The following KIAA1549L variants were observed in gnomAD, a reference collection of about 807,000 sequenced individuals.
The protein encoded by KIAA1549L is UPF0606 protein KIAA1549L.
A neutral mutation model predicts 160.7 loss-of-function variants in KIAA1549L; 88 were observed. That is an observed-to-expected ratio of 0.55 (90% CI 0.46 to 0.65). KIAA1549L has a LOEUF of 0.65. KIAA1549L is among the 30% of genes least tolerant of loss of function. The probability of loss-of-function intolerance (pLI) is 0.00; values close to 1 mark genes in which losing one functional copy is unlikely to be tolerated. For missense variants in KIAA1549L, 2,258 were observed against 2,437.5 expected (o/e 0.93, Z 1.55); for synonymous variants, 950 against 976.7 (o/e 0.97, Z 0.51).
chr11:33,588,059 C>T (rs543285194), intron 11 of KIAA1549L, among the ~76,000 whole-genome samples: 1 of 152,330 alleles, frequency 6.6e-6, no homozygotes, highest in African/African-American at 2.4e-5. Flanking sequence ...GCGTAAGCTG[C>T]TTAACCTCTC....
chr11:33,522,504 C>T (rs1220376419), intron 1 of KIAA1549L, among the ~76,000 whole-genome samples: 3 of 152,144 alleles, frequency 2.0e-5, no homozygotes, highest in Admixed American at 1.3e-4. Context: ...CAGTCTTTTT[C>T]AGTAGACCAC....
At chr11:33,511,492 G>C (rs1795112472) in intron 1 of KIAA1549L, among the ~76,000 whole-genome samples, 1 of 152,194 alleles carries the variant, frequency 6.6e-6, no homozygotes, top group African/African-American at 2.4e-5. Flanking sequence ...ATTTCCAATG[G>C]GAAGATGCTG....
At chr11:33,420,235 G>GTTTGTTTGTTTTTTTTGTTTTGTT (rs1554975227) in intron 1 of KIAA1549L, among the ~76,000 whole-genome samples, 16 of 46,266 alleles carry the variant, frequency 3.5e-4, no homozygotes, top group Non-Finnish European at 6.6e-4. Flanking sequence ...TTTTTTTTTT[G>GTTTGTTTGTTTTTTTTGTTTTGTT]TTTTTTTTTT....
Position 33,543,239 on chromosome 11 carries a change from G to C in KIAA1549L, c.1676G>C (p.Arg559Pro). 6.2e-7 allele frequency: 1 copy of C among 1,613,986 alleles called. No homozygotes were observed. The highest frequency in any genetic ancestry group is 8.5e-7 in the Non-Finnish European group (1 of 1,179,894). ...NLLSTSWTFP[R>P]WKKDSVTAIL... is the part of the protein sequence containing the mutation. Reference sequence around the variant, plus strand: ...CTTTCCACATCTTGGACATTTCCCCGGTGGAAAAAGGACAGTGTGACAGCC... The same window carrying C: ...CTTTCCACATCTTGGACATTTCCCCCGTGGAAAAAGGACAGTGTGACAGCC... Residue 559 changes from arginine to proline, a missense_variant, in exon 2 of 21, where the codon CGG becomes CCG. By Grantham distance (103) the Arg-to-Pro change is moderately radical. Transcript: ENST00000658780.
At position 33,645,588 on chromosome 11, in the gene KIAA1549L, T is replaced by C. The variant is rs536590659; in HGVS notation, c.5410-98T>C. 9.6e-4 allele frequency: 845 copies of C among 882,726 alleles called. 3 individuals are homozygous for C. Among genetic ancestry groups the C allele is most frequent in the Non-Finnish European group, 1.5e-3 (802 of 545,460 alleles). The allele number at this position is 882,726 out of a possible 1,614,324, so 54.7% of individuals were successfully genotyped here. On this transcript the variant is annotated intron_variant, in intron 16 of 20. Coordinates refer to ENST00000658780, the MANE Select transcript of KIAA1549L (RefSeq NM_012194.3). Reference sequence around the variant, plus strand: ...TATAATTTAAATTAGCACAGATGCATCCTAGCACCTGTCCAAGTGAATGTT... The same window carrying C: ...TATAATTTAAATTAGCACAGATGCACCCTAGCACCTGTCCAAGTGAATGTT...
chr11:33,507,381 A>G lies in KIAA1549L; in HGVS notation c.239-34421A>G, dbSNP rs370250194. On this transcript the variant is annotated intron_variant, in intron 1 of 20. Coordinates refer to ENST00000658780, the MANE Select transcript of KIAA1549L (RefSeq NM_012194.3). ...GACTTGGTTTGATGCTATATATTGA[A>G]AAACTGAGCAGTTGTAAATAGGTTT... Among the ~76,000 whole-genome samples, 145 of 152,334 alleles carry G rather than the reference A, an allele frequency of 9.5e-4. 3 individuals carry two copies. The East Asian group carries it at 0.024, about 25-fold the overall frequency.
In KIAA1549L at chr11:33,492,485, A is replaced by G. The variant is rs549372016; in HGVS notation, c.239-49317A>G. On this transcript the variant is annotated intron_variant, in intron 1 of 20. Transcript: ENST00000658780. ...GTGAAGACTAGGGTGTGCGTGGGATATGGCAGGATTTAGAGAGGTTTTATC... is the reference window on the plus strand; with the variant it reads ...GTGAAGACTAGGGTGTGCGTGGGATGTGGCAGGATTTAGAGAGGTTTTATC... 5.3e-5 allele frequency among the ~76,000 whole-genome samples: 8 copies of G among 152,292 alleles called. No homozygotes were observed. The South Asian group carries it at 1.2e-3, about 24-fold the overall frequency.
At chr11:33,662,658 C>T (rs1852305953) in intron 20 of KIAA1549L, among the ~76,000 whole-genome samples, 1 of 152,306 alleles carries the variant, frequency 6.6e-6, no homozygotes, top group South Asian at 2.1e-4. Flanking sequence ...TCCCTTACGC[C>T]TGCAGCTTTG....
At chr11:33,553,837 C>A (rs1187509221) in intron 6 of KIAA1549L, among the ~76,000 whole-genome samples, 3 of 152,120 alleles carry the variant, frequency 2.0e-5, no homozygotes, top group Non-Finnish European at 4.4e-5. Flanking sequence ...CTGCCCTTGG[C>A]CTTAAGAAGC....
chr11:33,668,265 CCCT>C lies in KIAA1549L; in HGVS notation c.*114_*116del. 9 of 991,584 alleles carry C rather than the reference CCCT, an allele frequency of 9.1e-6. No individual in the cohort carries two copies. Among genetic ancestry groups the C allele is most frequent in the Non-Finnish European group, 1.2e-5 (8 of 678,198 alleles). The allele number at this position is 991,584 out of a possible 1,614,324, so 61.4% of individuals were successfully genotyped here. On this transcript the variant is annotated 3_prime_UTR_variant, in exon 21 of 21. Coordinates refer to ENST00000658780, the MANE Select transcript of KIAA1549L (RefSeq NM_012194.3). ...CATAGCAATGGGTGAGTCTTTCTCACCCTCCATTTCTGAAAAGGTGAACTATGG... is the reference window on the plus strand; with the variant it reads ...CATAGCAATGGGTGAGTCTTTCTCACCCATTTCTGAAAAGGTGAACTATGG...
intron 16 of KIAA1549L, among the ~76,000 whole-genome samples, chr11:33,643,443 G>T (rs933652133): frequency 4.6e-5 from 7 of 152,100 alleles, no homozygotes; most frequent in African/African-American, 1.7e-4. Flanking sequence ...TGTGATAATA[G>T]ATCTACCAAT....
chr11:33,598,769 G>T, intron 12 of KIAA1549L, 51 bp from the exon 13 acceptor site: 1 of 1,608,128 alleles, frequency 6.2e-7, no homozygotes, highest in Non-Finnish European at 8.5e-7. Flanking sequence ...TTGAGAGGCG[G>T]CTGCTCTAGT....
At chr11:33,479,122 C>T (rs1252520469) in intron 1 of KIAA1549L, among the ~76,000 whole-genome samples, 1 of 152,194 alleles carries the variant, frequency 6.6e-6, no homozygotes, top group Non-Finnish European at 1.5e-5. Context: ...TGTTTTTATC[C>T]TCTTTGCCTT....
intron 6 of KIAA1549L, among the ~76,000 whole-genome samples, chr11:33,558,994 C>T (rs35916089): frequency 1.3e-5 from 2 of 151,090 alleles, no homozygotes; most frequent in African/African-American, 2.4e-5. Flanking sequence ...CCACCATGCC[C>T]GGCTAATTTT....
In KIAA1549L at chr11:33,646,054, C is replaced by T. The variant is rs752242608; in HGVS notation, c.5760+18C>T. Reference sequence around the variant, plus strand: ...CCCGGCCGGTAAGTCATTCATTCCACCCACCTGCCATCATCTGGTCAGTCT... The same window carrying T: ...CCCGGCCGGTAAGTCATTCATTCCATCCACCTGCCATCATCTGGTCAGTCT... On this transcript the variant is annotated intron_variant, in intron 17 of 20. Coordinates refer to ENST00000658780, the MANE Select transcript of KIAA1549L (RefSeq NM_012194.3). The T allele has an allele frequency of 4.6e-6, 7 of 1,519,492 alleles. No individual in the cohort carries two copies. The highest frequency in any genetic ancestry group is 6.2e-6 in the Non-Finnish European group (7 of 1,123,250). 94.1% of individuals were successfully genotyped at this position (1,519,492 alleles called of 1,614,324 possible).
chr11:33,458,398 C>T (rs774373656), intron 1 of KIAA1549L, among the ~76,000 whole-genome samples: 14 of 152,162 alleles, frequency 9.2e-5, no homozygotes, highest in African/African-American at 2.2e-4. Context: ...TAAATACATT[C>T]GTTTGGGTGA....
At chr11:33,478,496 C>T (rs1012502246) in intron 1 of KIAA1549L, among the ~76,000 whole-genome samples, 3 of 152,202 alleles carry the variant, frequency 2.0e-5, no homozygotes, top group South Asian at 4.1e-4. Flanking sequence ...TGATGGGCTC[C>T]GCCTGCAGAA....
intron 1 of KIAA1549L, among the ~76,000 whole-genome samples, chr11:33,511,219 C>T (rs558145165): frequency 1.5e-4 from 23 of 152,282 alleles, no homozygotes; most frequent in Admixed American, 1.2e-3. Flanking sequence ...CAATTTTCTG[C>T]TGTGACTTTG....
chr11:33,529,780 A>C (rs926074028), intron 1 of KIAA1549L, among the ~76,000 whole-genome samples: 32 of 152,354 alleles, frequency 2.1e-4, no homozygotes, highest in African/African-American at 7.7e-4. Context: ...GATTGAGCAA[A>C]TAAGGGAGAT....
Sources: allele counts gnomAD v4.1 joint callset (sites outside exome capture counted in the v4.1 genomes callset), GRCh38; gene constraint gnomAD v4.1.1; transcripts MANE v1.5; gene names NCBI Gene and HGNC (gene_info 2026-07-23, HGNC 2026-07-21).